CNTNAP5: variants seen among roughly 807,000 people sequenced by gnomAD.
The protein encoded by CNTNAP5 is contactin-associated protein-like 5.
Under a neutral mutation model 150.2 loss-of-function variants are expected in CNTNAP5, and 72 were observed. That is an observed-to-expected ratio of 0.48 (90% confidence interval 0.40 to 0.58). CNTNAP5 has a LOEUF of 0.58. Ranked by LOEUF, CNTNAP5 falls within the 20% of genes least tolerant of loss-of-function variation. The pLI is 0.00. For missense variants in CNTNAP5, 1,636 were observed against 1,626.2 expected (o/e 1.01, Z -0.10); for synonymous variants, 672 against 619.8 (o/e 1.08, Z -1.25).
chr2:124,656,183 A>C (rs1678454166), intron 13 of CNTNAP5, among the ~76,000 whole-genome samples: 1 of 152,154 alleles, frequency 6.6e-6, no homozygotes, highest in South Asian at 2.1e-4. Context: ...TCATCTTCAA[A>C]ATTTTACATG....
intron 1 of CNTNAP5, among the ~76,000 whole-genome samples, chr2:124,160,536 TA>T (rs764057664): frequency 1.5e-5 from 2 of 132,310 alleles, no homozygotes; most frequent in South Asian, 5.0e-4. Flanking sequence ...TTTTTTTTTT[TA>T]AAGTTAAGAG....
chr2:124,896,017 G>A (rs117579382), intron 21 of CNTNAP5, among the ~76,000 whole-genome samples: 2 of 151,624 alleles, frequency 1.3e-5, no homozygotes, highest in East Asian at 3.9e-4. Flanking sequence ...GTGATGTGTG[G>A]CAACCGGGCT....
chr2:124,707,231 A>G (rs981501144), intron 13 of CNTNAP5, among the ~76,000 whole-genome samples: 1 of 151,892 alleles, frequency 6.6e-6, no homozygotes, highest in Non-Finnish European at 1.5e-5. Context: ...TCATTCACTG[A>G]CACTGAGGAG....
intron 8 of CNTNAP5, among the ~76,000 whole-genome samples, chr2:124,506,687 A>T (rs1014462308): frequency 6.6e-6 from 1 of 152,166 alleles, no homozygotes; most frequent in South Asian, 2.1e-4. Flanking sequence ...ACTGAATTGT[A>T]TTAGTTATCT....
At chr2:124,906,577 G>A (rs1225390231) in intron 22 of CNTNAP5, among the ~76,000 whole-genome samples, 4 of 152,104 alleles carry the variant, frequency 2.6e-5, no homozygotes, top group African/African-American at 9.7e-5. Context: ...CATTAAACAA[G>A]TCTAGGAGAT....
chr2:124,480,159 A>G (rs1693732428), intron 7 of CNTNAP5, among the ~76,000 whole-genome samples: 1 of 152,218 alleles, frequency 6.6e-6, no homozygotes. Flanking sequence ...CTCCCAAACT[A>G]TGAGTCATGA....
chr2:124,838,812 C>G (rs1682883815), intron 19 of CNTNAP5, among the ~76,000 whole-genome samples: 1 of 151,996 alleles, frequency 6.6e-6, no homozygotes, highest in South Asian at 2.1e-4. Context: ...TTTTCTTCCT[C>G]TATTCTTACT....
intron 3 of CNTNAP5, among the ~76,000 whole-genome samples, chr2:124,316,223 G>A (rs1322314343): frequency 1.3e-5 from 2 of 152,146 alleles, no homozygotes; most frequent in Non-Finnish European, 2.9e-5. Context: ...CACTTTCCTG[G>A]AAAGGGTTAG....
At chr2:124,491,785 C>A (rs1249174904) in intron 7 of CNTNAP5, among the ~76,000 whole-genome samples, 1 of 151,800 alleles carries the variant, frequency 6.6e-6, no homozygotes, top group African/African-American at 2.4e-5. Context: ...TAGCAGCCAC[C>A]CTAACAGGTA....
chr2:124,529,985 A>T (rs2104893423), intron 10 of CNTNAP5, among the ~76,000 whole-genome samples: 1 of 152,232 alleles, frequency 6.6e-6, no homozygotes, highest in South Asian at 2.1e-4. Context: ...TATTAGTGCT[A>T]GTCACGTGGG....
chr2:124,604,606 T>C (rs1048570014), intron 11 of CNTNAP5, among the ~76,000 whole-genome samples: 1 of 152,238 alleles, frequency 6.6e-6, no homozygotes, highest in African/African-American at 2.4e-5. Flanking sequence ...TGTTTCAGTT[T>C]TGTAAAACAT....
intron 1 of CNTNAP5, among the ~76,000 whole-genome samples, chr2:124,105,022 C>T (rs1275653646): frequency 2.3e-5 from 3 of 131,154 alleles, no homozygotes; most frequent in Non-Finnish European, 1.8e-5. Context: ...GCTGTATGTC[C>T]TTCAGAGCTG....
chr2:124,871,281 C>CTTACTTATTTATTTATTTATTTAT (rs1462116273), intron 21 of CNTNAP5, among the ~76,000 whole-genome samples: 33 of 151,096 alleles, frequency 2.2e-4, no homozygotes, highest in Admixed American at 5.9e-4. Flanking sequence ...TATTTACTTA[C>CTTACTTATTTATTTATTTATTTAT]TTATTTATTT....
At chr2:124,430,164 C>T (rs1483615033) in intron 4 of CNTNAP5, among the ~76,000 whole-genome samples, 3 of 151,990 alleles carry the variant, frequency 2.0e-5, no homozygotes, top group Non-Finnish European at 2.9e-5. Flanking sequence ...AGGTGGGAAC[C>T]GACAGATGAG....
intron 19 of CNTNAP5, among the ~76,000 whole-genome samples, chr2:124,827,969 A>G (rs568388118): frequency 3.7e-4 from 57 of 152,186 alleles, no homozygotes; most frequent in Admixed American, 2.0e-4. Context: ...TGGTAGAGTA[A>G]ATTGTTTCCA....
intron 22 of CNTNAP5, among the ~76,000 whole-genome samples, chr2:124,906,133 C>T (rs144658871): frequency 1.4e-3 from 209 of 152,160 alleles, no homozygotes; most frequent in African/African-American, 4.9e-3. Flanking sequence ...TGAGATAAAA[C>T]CAAGACATCA....
chr2:124,032,535 T>C (rs907456888), intron 1 of CNTNAP5, among the ~76,000 whole-genome samples: 1 of 151,646 alleles, frequency 6.6e-6, no homozygotes, highest in Non-Finnish European at 1.5e-5. Flanking sequence ...AGACCTTAAA[T>C]AAAGAAGGAT....
chr2:124,345,592 T>C (rs911999872), intron 3 of CNTNAP5, among the ~76,000 whole-genome samples: 2 of 152,340 alleles, frequency 1.3e-5, no homozygotes, highest in East Asian at 3.9e-4. Context: ...AAGAGGTAGA[T>C]ATAACTCTTT....
intron 1 of CNTNAP5, among the ~76,000 whole-genome samples, chr2:124,069,745 G>A (rs745769230): frequency 3.3e-5 from 5 of 152,124 alleles, no homozygotes; most frequent in African/African-American, 9.7e-5. Flanking sequence ...TCACCAAGCT[G>A]TGGGATTTCT....
Sources: allele counts gnomAD v4.1 joint callset (sites outside exome capture counted in the v4.1 genomes callset), GRCh38; gene constraint gnomAD v4.1.1; transcripts MANE v1.5; gene names NCBI Gene and HGNC (gene_info 2026-07-23, HGNC 2026-07-21).